The following TBXAS1 variants were observed in gnomAD, a reference collection of about 807,000 sequenced individuals.
The protein encoded by TBXAS1 is thromboxane-A synthase.
A neutral mutation model predicts 60.7 loss-of-function variants in TBXAS1; 48 were observed. That is an observed-to-expected ratio of 0.79 (90% confidence interval 0.63 to 1.01). The LOEUF (loss-of-function observed/expected upper bound fraction) is 1.01. Among genes scored for constraint, TBXAS1 ranks in the 50% least tolerant of loss-of-function variants. The probability of loss-of-function intolerance (pLI) is 0.00; values close to 1 mark genes in which losing one functional copy is unlikely to be tolerated. For missense variants in TBXAS1, 685 were observed against 686.3 expected (o/e 1.00, Z 0.02); for synonymous variants, 287 against 269.7 (o/e 1.06, Z -0.63).
chr7:139,862,077 C>T (rs1260507978), intron 1 of TBXAS1, among the ~76,000 whole-genome samples: 7 of 152,146 alleles, frequency 4.6e-5, no homozygotes, highest in Admixed American at 3.9e-4. Flanking sequence ...GATTGGGAGA[C>T]AACAGATTTA....
chr7:139,986,768 T>TGA (rs1812507235), intron 9 of TBXAS1, among the ~76,000 whole-genome samples: 1 of 36,786 alleles, frequency 2.7e-5, no homozygotes, highest in African/African-American at 1.1e-4. Context: ...TGTGTGTGTG[T>TGA]GTGTGTGTGT....
In TBXAS1 at chr7:139,957,662, G is replaced by A. The variant is rs546747241; in HGVS notation, c.717G>A (p.Leu239=). The change falls in exon 8 of 13, where the codon CTG becomes CTA. Residue 239 remains leucine, a synonymous_variant. Coordinates refer to ENST00000448866, the MANE Select transcript of TBXAS1 (RefSeq NM_001061.7). ...LLSFPSIMVP[L]ARILPNKNRD... is the part of the protein sequence containing the mutation. The stretch of plus-strand genomic sequence containing the variant: ...CATTTCCATCCATAATGGTCCCACT[G>A]GCCCGGATTTTGCCCAATAAGAACC... 6.2e-7 allele frequency: 1 copy of A among 1,614,022 alleles called. No individual in the cohort carries two copies. The highest frequency in any genetic ancestry group is 8.5e-7 in the Non-Finnish European group (1 of 1,180,016).
At chr7:139,984,643 A>AGG (rs1569522275) in intron 9 of TBXAS1, among the ~76,000 whole-genome samples, 3 of 84,690 alleles carry the variant, frequency 3.5e-5, no homozygotes, top group African/African-American at 1.6e-4. Flanking sequence ...AGAGAGAGAG[A>AGG]AAGAAAGAAA....
chr7:139,927,649 T>C (rs1402117843), intron 4 of TBXAS1, among the ~76,000 whole-genome samples: 1 of 152,206 alleles, frequency 6.6e-6, no homozygotes, highest in Non-Finnish European at 1.5e-5. Context: ...AAACTATGAA[T>C]GTGGAACCTC....
chr7:139,784,238 C>T (rs1198391152), intron 3 of TBXAS1, among the ~76,000 whole-genome samples: 1 of 144,670 alleles, frequency 6.9e-6, no homozygotes, highest in East Asian at 2.2e-4. Flanking sequence ...CTCTCTCTCT[C>T]TCTTCCTTCC....
chr7:139,805,726 CTCTCTT>C (rs1232779116), intron 4 of TBXAS1, among the ~76,000 whole-genome samples: 122 of 122,170 alleles, frequency 1.0e-3, no homozygotes, highest in Middle Eastern at 4.6e-3. Context: ...CTCTCTCTCT[CTCTCTT>C]TCTTTCTTTC....
At chr7:139,854,647 G>A (rs1485584286) in intron 1 of TBXAS1, among the ~76,000 whole-genome samples, 1 of 152,184 alleles carries the variant, frequency 6.6e-6, no homozygotes, top group Non-Finnish European at 1.5e-5. Flanking sequence ...CTCAAGACAT[G>A]TGTTGAAGGC....
chr7:139,915,004 C>T (rs1206525262), intron 4 of TBXAS1, among the ~76,000 whole-genome samples: 1 of 152,182 alleles, frequency 6.6e-6, no homozygotes, highest in African/African-American at 2.4e-5. Flanking sequence ...TAGTCTTCTT[C>T]GTCTCGGTCA....
chr7:139,953,885 C>CT (rs548685353), intron 6 of TBXAS1, among the ~76,000 whole-genome samples: 222 of 152,268 alleles, frequency 1.5e-3, no homozygotes, highest in Admixed American at 4.1e-3. Context: ...AAGGTTTTTG[C>CT]TTTAAAAAAA....
chr7:139,889,634 A>C (rs1194718038), intron 3 of TBXAS1, among the ~76,000 whole-genome samples: 1 of 152,222 alleles, frequency 6.6e-6, no homozygotes, highest in African/African-American at 2.4e-5. Flanking sequence ...AGGAACCAAC[A>C]GATTCATTGT....
At chr7:139,913,892 T>C (rs1584840366) in intron 4 of TBXAS1, 1 of 152,880 alleles carries the variant, frequency 6.5e-6, no homozygotes. Flanking sequence ...AAATCGTCAC[T>C]CCAGCCTCTC....
In TBXAS1 at chr7:139,927,845, A is replaced by G. The variant is rs1382383824; in HGVS notation, c.334-8346A>G. The stretch of plus-strand genomic sequence containing the variant: ...CATGTGTAGAAATAAATTTTTGTAT[A>G]TTAAATTTGTATCCAACAATATTTT... On this transcript the variant is annotated intron_variant, in intron 4 of 12. Transcript: ENST00000448866. 2.0e-5 allele frequency among the ~76,000 whole-genome samples: 3 copies of G among 152,158 alleles called. No individual in the cohort carries two copies. The East Asian group carries it at 5.8e-4, about 29-fold the overall frequency.
chr7:139,825,015 AGACAGGG>A (rs1489568461), upstream of TBXAS1, among the ~76,000 whole-genome samples: 2 of 151,280 alleles, frequency 1.3e-5, no homozygotes, highest in Non-Finnish European at 2.9e-5. Flanking sequence ...TTTTTAGTAG[AGACAGGG>A]TTTTGCCATG....
chr7:139,905,027 C>A (rs1017990654), intron 3 of TBXAS1, among the ~76,000 whole-genome samples: 11 of 80,270 alleles, frequency 1.4e-4, no homozygotes, highest in African/African-American at 7.5e-4. Flanking sequence ...TTCTTTCTTT[C>A]TTTCTTTCTT....
intron 3 of TBXAS1, among the ~76,000 whole-genome samples, chr7:139,784,667 C>T (rs1041005851): frequency 3.9e-5 from 6 of 152,118 alleles, no homozygotes; most frequent in South Asian, 2.1e-4. Context: ...TCAGGAATGA[C>T]GCTGGAGATT....
intron 9 of TBXAS1, among the ~76,000 whole-genome samples, chr7:139,986,720 A>C (rs1812483069): frequency 2.0e-5 from 2 of 99,016 alleles, no homozygotes; most frequent in Admixed American, 1.1e-4. Flanking sequence ...GTAGTATTCC[A>C]TCATATATAT....
chr7:139,866,345 T>C (rs1801416998), intron 1 of TBXAS1, among the ~76,000 whole-genome samples: 1 of 152,210 alleles, frequency 6.6e-6, no homozygotes, highest in Admixed American at 6.5e-5. Context: ...TAAATTATAA[T>C]ATGTATATAA....
chr7:139,975,377 G>A lies in TBXAS1; in HGVS notation c.1134+13144G>A, dbSNP rs1241914401. Reference sequence around the variant, plus strand: ...GGTCGGATTGGCACTCACGTTTCCCGACTCCTTAGTCTGTATTCTTTTCAA... The same window carrying A: ...GGTCGGATTGGCACTCACGTTTCCCAACTCCTTAGTCTGTATTCTTTTCAA... On this transcript the variant is annotated intron_variant, in intron 9 of 12. Transcript: ENST00000448866. The surrounding 1 kb of genome is among the most constrained non-coding windows in gnomAD (Gnocchi z 4.4). Among the ~76,000 whole-genome samples the A allele has an allele frequency of 1.3e-5, 2 of 152,106 alleles. No individual in the cohort carries two copies. Among genetic ancestry groups the A allele is most frequent in the Admixed American group, 6.5e-5 (1 of 15,270 alleles).
rs114437290 is a variant in TBXAS1, at chr7:139,843,303, C to T, written c.89+13824C>T. Among the ~76,000 whole-genome samples the T allele has an allele frequency of 5.4e-3, 811 of 151,286 alleles. 6 individuals carry two copies. The highest frequency in any genetic ancestry group is 0.018 in the African/African-American group (746 of 41,138). ...TTGCTTCCTATCTCTCTGGCTATCT[C>T]GGCACTTACTACTTTACTTTATTTA... On this transcript the variant is annotated intron_variant, in intron 1 of 12. Coordinates refer to ENST00000448866, the MANE Select transcript of TBXAS1 (RefSeq NM_001061.7).
Sources: allele counts gnomAD v4.1 joint callset (sites outside exome capture counted in the v4.1 genomes callset), GRCh38; gene constraint gnomAD v4.1.1; non-coding constraint Gnocchi (gnomAD v3.1); transcripts MANE v1.5; gene names NCBI Gene and HGNC (gene_info 2026-07-23, HGNC 2026-07-21).